The following SUMF1 variants were observed in gnomAD, a reference collection of about 807,000 sequenced individuals.
The protein encoded by SUMF1 is sulfatase modifying factor 1, also known as formylglycine-generating enzyme.
Under a neutral mutation model 47.6 loss-of-function variants are expected in SUMF1, and 48 were observed. That is an observed-to-expected ratio of 1.01 (90% confidence interval 0.80 to 1.28). SUMF1 has a LOEUF of 1.28. Among genes scored for constraint, SUMF1 ranks in the 50% most tolerant of loss-of-function variants. The pLI is 0.00. For synonymous variants in SUMF1, 230 were observed against 192.1 expected (o/e 1.20, Z -1.63); for missense variants, 571 against 485.4 (o/e 1.18, Z -1.66).
intron 8 of SUMF1, among the ~76,000 whole-genome samples, chr3:4,168,319 C>T (rs1694757171): frequency 1.3e-5 from 2 of 152,130 alleles, no homozygotes. Flanking sequence ...CTCTACCCTG[C>T]CTAAAAACTT....
intron 8 of SUMF1, among the ~76,000 whole-genome samples, chr3:4,365,947 A>AT (rs1699938830): frequency 6.6e-6 from 1 of 152,096 alleles, no homozygotes; most frequent in Non-Finnish European, 1.5e-5. Flanking sequence ...GCTTGTCTGT[A>AT]AAGTATCTTA....
At chr3:4,359,824 G>A (rs1699702661), downstream of SUMF1, among the ~76,000 whole-genome samples, 1 of 151,938 alleles carries the variant, frequency 6.6e-6, no homozygotes, top group African/African-American at 2.4e-5. Flanking sequence ...TTTGGGTGGG[G>A]ACGCAGTCAA....
At chr3:4,137,300 G>T (rs999927176) in intron 8 of SUMF1, among the ~76,000 whole-genome samples, 3 of 152,022 alleles carry the variant, frequency 2.0e-5, no homozygotes, top group African/African-American at 4.8e-5. Context: ...CCATAAAAAA[G>T]GATGAGTTCA....
intron 8 of SUMF1, among the ~76,000 whole-genome samples, chr3:4,238,120 T>G (rs149074072): frequency 2.6e-5 from 4 of 152,200 alleles, no homozygotes; most frequent in Non-Finnish European, 4.4e-5. Flanking sequence ...TCATCCTTTT[T>G]ATGGCTGCAT....
chr3:4,370,098 G>C (rs1007401878), intron 8 of SUMF1, among the ~76,000 whole-genome samples: 1 of 152,184 alleles, frequency 6.6e-6, no homozygotes, highest in Non-Finnish European at 1.5e-5. Flanking sequence ...AAGGAAAATA[G>C]GGAAAGAGGA....
chr3:4,052,991 G>T (rs911081036), intron 9 of SUMF1, among the ~76,000 whole-genome samples: 1 of 152,046 alleles, frequency 6.6e-6, no homozygotes, highest in African/African-American at 2.4e-5. Context: ...TTCACAACTT[G>T]GCTAACTGCT....
intron 8 of SUMF1, among the ~76,000 whole-genome samples, chr3:4,306,600 A>G (rs1474003247): frequency 6.6e-6 from 1 of 152,212 alleles, no homozygotes; most frequent in African/African-American, 2.4e-5. Flanking sequence ...TGTCTTTCTT[A>G]CCAAGAAGAT....
chr3:4,422,492 TAAAA>T (rs776813048), intron 3 of SUMF1, among the ~76,000 whole-genome samples: 1 of 143,714 alleles, frequency 7.0e-6, no homozygotes, highest in Non-Finnish European at 1.5e-5. Context: ...ATTAGTGATT[TAAAA>T]AAAAAAAAAA....
chr3:4,423,776 T>A (rs1411010422), intron 3 of SUMF1, among the ~76,000 whole-genome samples: 1 of 152,186 alleles, frequency 6.6e-6, no homozygotes, highest in Non-Finnish European at 1.5e-5. Context: ...AGAACCCTTA[T>A]GAATTGCTTG....
chr3:4,055,602 C>T (rs1695177408), intron 9 of SUMF1, among the ~76,000 whole-genome samples: 1 of 152,150 alleles, frequency 6.6e-6, no homozygotes, highest in African/African-American at 2.4e-5. Flanking sequence ...CTGGTCTCAG[C>T]CTCCTGAGTA....
At chr3:4,336,946 T>A in intron 8 of SUMF1, among the ~76,000 whole-genome samples, 1 of 152,206 alleles carries the variant, frequency 6.6e-6, no homozygotes, top group Non-Finnish European at 1.5e-5. Context: ...TATTCAATGT[T>A]CCCTAATTTG....
chr3:4,038,490 C>A (rs1393555172), intron 9 of SUMF1, among the ~76,000 whole-genome samples: 2 of 152,086 alleles, frequency 1.3e-5, no homozygotes, highest in Admixed American at 1.3e-4. Flanking sequence ...TTCAGTTGCT[C>A]CCGGGGGATC....
At chr3:4,109,627 T>C (rs1386810348) in intron 8 of SUMF1, among the ~76,000 whole-genome samples, 1 of 152,090 alleles carries the variant, frequency 6.6e-6, no homozygotes, top group African/African-American at 2.4e-5. Flanking sequence ...TTCATTTCTT[T>C]TTATTCTTTT....
intron 8 of SUMF1, among the ~76,000 whole-genome samples, chr3:4,275,394 A>T (rs894358422): frequency 6.6e-6 from 1 of 152,116 alleles, no homozygotes; most frequent in Non-Finnish European, 1.5e-5. Flanking sequence ...TGGCAGTAAA[A>T]TGGACTACTT....
At chr3:4,178,626 G>A (rs920503818) in intron 8 of SUMF1, among the ~76,000 whole-genome samples, 8 of 152,116 alleles carry the variant, frequency 5.3e-5, no homozygotes, top group Non-Finnish European at 1.2e-4. Context: ...TTTGAAAACT[G>A]GCACAAGACA....
chr3:4,459,234 T>G (rs2079746003), intron 1 of SUMF1, among the ~76,000 whole-genome samples: 3 of 152,196 alleles, frequency 2.0e-5, no homozygotes, highest in African/African-American at 7.2e-5. Flanking sequence ...GCTGATGGAT[T>G]TGTTAATTAG....
At position 4,307,702 on chromosome 3, in the gene SUMF1, C is replaced by T. The variant is rs536711760; in HGVS notation, c.1014+68628G>A. 3.9e-5 allele frequency among the ~76,000 whole-genome samples: 6 copies of T among 152,082 alleles called. No individual in the cohort carries two copies. The South Asian group carries it at 1.0e-3, about 26-fold the overall frequency. On this transcript the variant is annotated intron_variant and NMD_transcript_variant, in intron 8 of 12. Coordinates refer to the SUMF1 transcript ENST00000448413. ...GAGTAATTCTGTGCTTTGATACATA[C>T]GAAGAAAAAGTAAAACTTACATTGT...
chr3:4,306,814 C>T (rs765488434), intron 8 of SUMF1, among the ~76,000 whole-genome samples: 4 of 152,200 alleles, frequency 2.6e-5, no homozygotes, highest in Non-Finnish European at 5.9e-5. Context: ...GTCTGTTTTG[C>T]CTTTGGCTAC....
intron 3 of SUMF1, among the ~76,000 whole-genome samples, chr3:4,421,515 T>A (rs1393795978): frequency 6.6e-6 from 1 of 152,170 alleles, no homozygotes; most frequent in African/African-American, 2.4e-5. Flanking sequence ...GGTCTCACCC[T>A]GTCCCCTAGG....
Sources: allele counts gnomAD v4.1 joint callset (sites outside exome capture counted in the v4.1 genomes callset), GRCh38; gene constraint gnomAD v4.1.1; transcripts MANE v1.5; gene names NCBI Gene and HGNC (gene_info 2026-07-23, HGNC 2026-07-21).